Variants in SUSD1 observed in about 807,000 individuals in gnomAD.
SUSD1 encodes sushi domain containing 1.
In SUSD1, 65 loss-of-function variants were observed where a neutral mutation model predicts 86.9. The ratio of observed to expected loss-of-function variants is 0.75; its 90% CI spans 0.61 to 0.92. The LOEUF (loss-of-function observed/expected upper bound fraction) is 0.92. Among genes scored for constraint, SUSD1 ranks in the 40% least tolerant of loss-of-function variants. SUSD1 has a pLI of 0.00. For missense variants in SUSD1, 850 were observed against 929.7 expected (o/e 0.91, Z 1.11); for synonymous variants, 346 against 350.0 (o/e 0.99, Z 0.13).
Position 112,102,163 on chromosome 9 carries a change from G to C in SUSD1, c.1281+13C>G. On this transcript the variant is annotated intron_variant, in intron 9 of 16. Transcript: ENST00000374270. Reference sequence around the variant, plus strand: ...CACAATTCTTTAATGGAAAGCATAAGAGATCTCCTTACTTGGTACATGTGT... The same window carrying C: ...CACAATTCTTTAATGGAAAGCATAACAGATCTCCTTACTTGGTACATGTGT... 4 of 1,464,414 alleles carry C rather than the reference G, an allele frequency of 2.7e-6. No individual in the cohort carries two copies. The highest frequency in any genetic ancestry group is 3.7e-6 in the Non-Finnish European group (4 of 1,075,800). The allele number at this position is 1,464,414 out of a possible 1,614,324, so 90.7% of individuals were successfully genotyped here. A position where few individuals can be genotyped will look rare whatever the true frequency, so the allele number is the denominator to read the frequency against.
chr9:112,174,594 T>C (rs1348627871), intron 1 of SUSD1, among the ~76,000 whole-genome samples: 1 of 152,174 alleles, frequency 6.6e-6, no homozygotes, highest in Non-Finnish European at 1.5e-5. Flanking sequence ...ATCTGTTGAA[T>C]GAATGAGTGA....
At chr9:112,048,803 G>C (rs1828066103) in intron 15 of SUSD1, among the ~76,000 whole-genome samples, 1 of 152,226 alleles carries the variant, frequency 6.6e-6, no homozygotes, top group Non-Finnish European at 1.5e-5. Context: ...GAGATTCACA[G>C]GTGGGTGATC....
At chr9:112,164,924 G>A (rs1003362374) in intron 1 of SUSD1, among the ~76,000 whole-genome samples, 10 of 152,172 alleles carry the variant, frequency 6.6e-5, no homozygotes, top group African/African-American at 2.4e-4. Context: ...CAGCCTGGGC[G>A]ACAGAGCGAA....
chr9:112,125,103 G>C (rs1236375639), intron 5 of SUSD1, among the ~76,000 whole-genome samples: 1 of 151,540 alleles, frequency 6.6e-6, no homozygotes, highest in Non-Finnish European at 1.5e-5. Flanking sequence ...AGATATTTCA[G>C]AATTTTAAAA....
Position 112,125,146 on chromosome 9 carries a change from A to G in SUSD1, c.707-710T>C, listed in dbSNP as rs978772543. On this transcript the variant is annotated intron_variant, in intron 5 of 16. Transcript: ENST00000374270. ...CCGTTTATCTTTTCTGGGAAAAAAA[A>G]ATCGAAAAAATGAATCAGAACAAAT... is the stretch of plus-strand genomic sequence containing the variant. Among the ~76,000 whole-genome samples, 20 of 152,306 alleles carry G rather than the reference A, an allele frequency of 1.3e-4. No individual in the cohort carries two copies. The East Asian group carries it at 3.9e-3, about 29-fold the overall frequency.
intron 13 of SUSD1, 33 bp from the exon 14 acceptor site, chr9:112,058,719 C>G (rs760313817): frequency 1.9e-6 from 3 of 1,608,844 alleles, no homozygotes; most frequent in Non-Finnish European, 2.5e-6. Flanking sequence ...TCCATCAGAC[C>G]CTTGCATGGG....
At chr9:112,061,392 T>C (rs1485709064) in intron 13 of SUSD1, among the ~76,000 whole-genome samples, 2 of 152,234 alleles carry the variant, frequency 1.3e-5, no homozygotes, top group Non-Finnish European at 2.9e-5. Flanking sequence ...CTGTTTGGAA[T>C]ATGACTGTTC....
chr9:112,058,328 C>G, intron 14 of SUSD1, 100 bp downstream of exon 14: 1 of 1,402,926 alleles, frequency 7.1e-7, no homozygotes, highest in Middle Eastern at 2.5e-4. Context: ...TTGTTACATG[C>G]AGTGACCCTC....
At chr9:112,055,894 T>A (rs1178984027) in intron 14 of SUSD1, among the ~76,000 whole-genome samples, 1 of 152,140 alleles carries the variant, frequency 6.6e-6, no homozygotes, top group Non-Finnish European at 1.5e-5. Flanking sequence ...CTAAATGAAA[T>A]AAGCCAGTCA....
At chr9:112,146,521 C>T (rs192099909) in intron 3 of SUSD1, among the ~76,000 whole-genome samples, 48 of 152,214 alleles carry the variant, frequency 3.2e-4, no homozygotes, top group African/African-American at 1.1e-3. Flanking sequence ...GTTCGGCTGA[C>T]ACCTATTTGG....
At chr9:112,084,510 C>T (rs1258398631) in intron 10 of SUSD1, among the ~76,000 whole-genome samples, 2 of 152,174 alleles carry the variant, frequency 1.3e-5, no homozygotes, top group African/African-American at 4.8e-5. Context: ...GCTCCTTCTG[C>T]TCACAGGAAA....
chr9:112,114,103 T>G (rs1831213560), intron 6 of SUSD1, among the ~76,000 whole-genome samples: 2 of 152,144 alleles, frequency 1.3e-5, no homozygotes, highest in African/African-American at 4.8e-5. Context: ...ACAAGGTCAA[T>G]GTACAAAAAT....
chr9:112,044,277 C>T (rs1405905689), intron 15 of SUSD1, among the ~76,000 whole-genome samples: 3 of 152,158 alleles, frequency 2.0e-5, no homozygotes, highest in Non-Finnish European at 4.4e-5. Context: ...CAAATACTTT[C>T]AAAGTTTGAA....
At chr9:112,064,807 C>T (rs1406263020) in intron 12 of SUSD1, among the ~76,000 whole-genome samples, 5 of 148,278 alleles carry the variant, frequency 3.4e-5, no homozygotes, top group Non-Finnish European at 5.9e-5. Context: ...ACCGGGCAGG[C>T]AGAGGTTGCA....
intron 3 of SUSD1, among the ~76,000 whole-genome samples, chr9:112,147,814 A>G (rs567331122): frequency 1.6e-4 from 25 of 152,102 alleles, no homozygotes; most frequent in African/African-American, 5.6e-4. Context: ...TGTATTGAAT[A>G]AACAAAACAC....
intron 10 of SUSD1, among the ~76,000 whole-genome samples, chr9:112,097,523 G>A (rs796504948): frequency 2.0e-4 from 29 of 147,664 alleles, no homozygotes; most frequent in African/African-American, 6.2e-4. Flanking sequence ...TCAGCCTCCC[G>A]AGTAGCTGGG....
intron 5 of SUSD1, among the ~76,000 whole-genome samples, chr9:112,126,821 G>A (rs1831795283): frequency 6.6e-6 from 1 of 152,082 alleles, no homozygotes; most frequent in African/African-American, 2.4e-5. Flanking sequence ...TCATTTTGGC[G>A]CACACCCTCA....
Position 112,111,731 on chromosome 9 carries a change from C to A in SUSD1, c.1094G>T (p.Gly365Val). 6.2e-7 allele frequency: 1 copy of A among 1,614,128 alleles called. No individual in the cohort carries two copies. The highest frequency in any genetic ancestry group is 8.5e-7 in the Non-Finnish European group (1 of 1,180,016). The change falls in exon 8 of 17, where the codon GGC becomes GTC. Residue 365 changes from glycine (G) to valine (V), a missense_variant. By Grantham distance (109) the Gly-to-Val change is moderately radical. Coordinates refer to ENST00000374270, the MANE Select transcript of SUSD1 (RefSeq NM_022486.5). Reference protein sequence around the residue: ...TPEVCLALYPGTNYTVNISTA... With the variant: ...TPEVCLALYPVTNYTVNISTA... ...GGAGATGTTCACGGTGTAGTTGGTG[C>A]CTGGGTACAGGGCTAGGCACACTTC...
At chr9:112,165,925 A>AAGAAAGAAAGAAGAAC (rs1196611550) in intron 1 of SUSD1, among the ~76,000 whole-genome samples, 8 of 88,332 alleles carry the variant, frequency 9.1e-5, no homozygotes, top group African/African-American at 4.3e-4. Context: ...AAGAAAGAAA[A>AAGAAAGAAAGAAGAAC]GAAAGAAAGA....
Sources: gnomAD v4.1 joint callset for allele counts (sites outside exome capture counted in the v4.1 genomes callset) on GRCh38, gnomAD v4.1.1 for gene constraint, MANE v1.5 for transcripts, NCBI Gene and HGNC (gene_info 2026-07-23, HGNC 2026-07-21) for gene names.